The following MAP4K5 variants were observed in gnomAD, a reference collection of about 807,000 sequenced individuals.
The protein encoded by MAP4K5 is mitogen-activated protein kinase kinase kinase kinase 5.
A neutral mutation model predicts 135.6 loss-of-function variants in MAP4K5; 82 were observed. That is an observed-to-expected ratio of 0.60 (90% CI 0.51 to 0.73). MAP4K5 has a LOEUF of 0.73. Ranked by LOEUF, MAP4K5 falls within the 30% of genes least tolerant of loss-of-function variation. The pLI is 0.00. For synonymous variants in MAP4K5, 347 were observed against 335.0 expected, an observed-to-expected ratio of 1.04 and a Z score of -0.39; for missense variants, 907 against 1,010.9, an observed-to-expected ratio of 0.90 and a Z score of 1.39.
rs376855781 is a variant in MAP4K5, at chr14:50,474,959, C to G, written c.542+118G>C. ...ACCCAAACAGAACTTATGATACTGTCAAAGAGCACGCAAATCTCCCTACTT... is the reference window on the plus strand; with the variant it reads ...ACCCAAACAGAACTTATGATACTGTGAAAGAGCACGCAAATCTCCCTACTT... On this transcript the variant is annotated intron_variant, in intron 9 of 32. Transcript: ENST00000682126. 55 of 862,708 alleles carry G rather than the reference C, an allele frequency of 6.4e-5. No homozygotes were observed. In the African/African-American group the frequency reaches 7.7e-4, roughly 12 times the overall value. 53.4% of individuals were successfully genotyped at this position (862,708 alleles called of 1,614,324 possible).
At chr14:50,427,350 A>G (rs1168892203) in intron 30 of MAP4K5, among the ~76,000 whole-genome samples, 1 of 152,170 alleles carries the variant, frequency 6.6e-6, no homozygotes, top group Admixed American at 6.5e-5. Context: ...TAGTTTCCAA[A>G]ATTTCTTTTG....
intron 8 of MAP4K5, 64 bp from the exon 9 acceptor site, chr14:50,475,213 C>A (rs1043028454): frequency 8.2e-7 from 1 of 1,213,714 alleles, no homozygotes; most frequent in Admixed American, 1.8e-5. Flanking sequence ...TTTTTACTTT[C>A]GCCCTTAGGC....
intron 3 of MAP4K5, among the ~76,000 whole-genome samples, chr14:50,491,764 C>A (rs2037489488): frequency 1.3e-5 from 2 of 151,688 alleles, no homozygotes; most frequent in African/African-American, 2.4e-5. Flanking sequence ...TGGCTCACTG[C>A]AGCCTCAACC....
chr14:50,520,796 T>A (rs951030783), intron 2 of MAP4K5, among the ~76,000 whole-genome samples: 1 of 150,784 alleles, frequency 6.6e-6, no homozygotes, highest in East Asian at 1.9e-4. Flanking sequence ...ATTTGTATTG[T>A]AAGGTGGCTA....
chr14:50,515,154 G>A (rs1291252900), intron 2 of MAP4K5, among the ~76,000 whole-genome samples: 1 of 151,960 alleles, frequency 6.6e-6, no homozygotes, highest in Admixed American at 6.6e-5. Flanking sequence ...TGCCCGCCTT[G>A]GCCTCCCAAA....
At chr14:50,533,560 G>T (rs2140135661), upstream of MAP4K5, among the ~76,000 whole-genome samples, 1 of 152,216 alleles carries the variant, frequency 6.6e-6, no homozygotes, top group South Asian at 2.1e-4. Flanking sequence ...TTGCTCTGAA[G>T]GTAGAAATTA....
intron 1 of MAP4K5, among the ~76,000 whole-genome samples, chr14:50,544,744 G>A (rs1039348989): frequency 1.3e-5 from 2 of 151,926 alleles, no homozygotes; most frequent in East Asian, 1.9e-4. Flanking sequence ...GACCAGCCTG[G>A]GGAACATAGT....
intron 31 of MAP4K5, among the ~76,000 whole-genome samples, chr14:50,424,118 G>A (rs1326847327): frequency 1.3e-5 from 2 of 151,170 alleles, no homozygotes; most frequent in Non-Finnish European, 1.5e-5. Flanking sequence ...TTGTCTTAGG[G>A]TCTACTTTTA....
At chr14:50,431,582 T>C (rs2139655189) in intron 28 of MAP4K5, among the ~76,000 whole-genome samples, 1 of 152,278 alleles carries the variant, frequency 6.6e-6, no homozygotes, top group East Asian at 1.9e-4. Context: ...GGATATGAAC[T>C]CATCATTTTT....
chr14:50,442,220 A>C lies in MAP4K5; in HGVS notation c.1564+512T>G, dbSNP rs534575420. On this transcript the variant is annotated intron_variant, in intron 21 of 32. Coordinates refer to ENST00000682126, the MANE Select transcript of MAP4K5 (RefSeq NM_006575.6). ...TACAAATAATTCCTAAATACCTGTA[A>C]CACAAATTCCACAAATGTTGAACAT... 2.6e-5 allele frequency among the ~76,000 whole-genome samples: 4 copies of C among 152,212 alleles called. 1 individual carries two copies. The South Asian group carries it at 8.3e-4, about 32-fold the overall frequency.
intron 2 of MAP4K5, among the ~76,000 whole-genome samples, chr14:50,511,982 A>T (rs2037939186): frequency 6.6e-6 from 1 of 152,144 alleles, no homozygotes; most frequent in Admixed American, 6.6e-5. Context: ...ACATCTCATT[A>T]CATATTTGTC....
chr14:50,532,185 T>A lies in MAP4K5; in HGVS notation c.-109-27A>T, dbSNP rs1210556467. On this transcript the variant is annotated intron_variant, in intron 1 of 32. Transcript: ENST00000682126. Reference sequence around the variant, plus strand: ...TGCACGAGGGACGAGCAAAGGCTGGTTGGCGTCGCAGGCTACGACCCCCAG... The same window carrying A: ...TGCACGAGGGACGAGCAAAGGCTGGATGGCGTCGCAGGCTACGACCCCCAG... The A allele has an allele frequency of 6.5e-6, 4 of 619,604 alleles. 1 individual carries two copies. Among genetic ancestry groups the A allele is most frequent in the Non-Finnish European group, 1.1e-5 (4 of 360,152 alleles). 38.4% of individuals were successfully genotyped at this position (619,604 alleles called of 1,614,324 possible).
intron 31 of MAP4K5, among the ~76,000 whole-genome samples, chr14:50,425,482 G>A (rs1352821117): frequency 5.9e-5 from 9 of 152,016 alleles, no homozygotes; most frequent in Non-Finnish European, 1.3e-4. Context: ...AACATAGTTG[G>A]TACTCAATAG....
intron 7 of MAP4K5, 40 bp downstream of exon 7, chr14:50,476,218 TC>T (rs765402220): frequency 6.8e-7 from 1 of 1,476,518 alleles, no homozygotes; most frequent in South Asian, 1.3e-5. Flanking sequence ...TAAAATTTCT[TC>T]CAATAGAATT....
intron 13 of MAP4K5, among the ~76,000 whole-genome samples, chr14:50,460,384 A>T (rs745323826): frequency 1.3e-5 from 2 of 152,180 alleles, no homozygotes; most frequent in Non-Finnish European, 2.9e-5. Context: ...GACATCATTA[A>T]ACAGAAATAG....
chr14:50,535,586 G>A (rs1471529933), upstream of MAP4K5, among the ~76,000 whole-genome samples: 1 of 71,448 alleles, frequency 1.4e-5, no homozygotes, highest in Non-Finnish European at 3.7e-5. Flanking sequence ...TTAAACTATT[G>A]TTTTACTAAT....
intron 22 of MAP4K5, 47 bp downstream of exon 22, chr14:50,440,315 T>C (rs771927182): frequency 2.4e-6 from 3 of 1,228,442 alleles, no homozygotes; most frequent in Non-Finnish European, 3.5e-6. Context: ...GACACTTCTT[T>C]ATTCAATTTG....
intron 1 of MAP4K5, among the ~76,000 whole-genome samples, chr14:50,543,173 TA>T (rs1278255126): frequency 3.3e-5 from 5 of 152,262 alleles, no homozygotes; most frequent in African/African-American, 9.6e-5. Context: ...AATAGGAATG[TA>T]AGCTAACATT....
intron 32 of MAP4K5, among the ~76,000 whole-genome samples, chr14:50,422,594 A>G (rs548472571): frequency 6.6e-6 from 1 of 152,154 alleles, no homozygotes; most frequent in Non-Finnish European, 1.5e-5. Context: ...AAAGAAAAAA[A>G]GAAGTAGGCA....
Sources: gnomAD v4.1 joint callset for allele counts (sites outside exome capture counted in the v4.1 genomes callset) on GRCh38, gnomAD v4.1.1 for gene constraint, MANE v1.5 for transcripts, NCBI Gene and HGNC (gene_info 2026-07-23, HGNC 2026-07-21) for gene names.